KDM4D: variants seen among roughly 807,000 people sequenced by gnomAD.
The protein encoded by KDM4D is lysine demethylase 4D.
For synonymous variants in KDM4D, 254 were observed against 249.1 expected (o/e 1.02, Z -0.19); for missense variants, 427 against 674.8 (o/e 0.63, Z 4.07).
intron 2 of KDM4D, among the ~76,000 whole-genome samples, chr11:94,995,298 T>C (rs1312138395): frequency 2.6e-5 from 4 of 152,202 alleles, no homozygotes; most frequent in African/African-American, 9.6e-5. Context: ...ACCAACTTCA[T>C]AGATTAGTTG....
chr11:94,980,548 T>A (rs1857834806), intron 2 of KDM4D, among the ~76,000 whole-genome samples: 3 of 152,310 alleles, frequency 2.0e-5, no homozygotes, highest in African/African-American at 7.2e-5. Context: ...TATTAACAGG[T>A]TATATTTTTC....
chr11:94,990,038 C>T (rs1295357967), intron 2 of KDM4D, among the ~76,000 whole-genome samples: 2 of 152,102 alleles, frequency 1.3e-5, no homozygotes, highest in Admixed American at 6.5e-5. Context: ...GGATTACAGG[C>T]GTGAGCCACC....
Position 94,999,258 on chromosome 11 carries a change from C to G in KDM4D, c.*314C>G. On this transcript the variant is annotated 3_prime_UTR_variant, in exon 3 of 3. Transcript: ENST00000335080. The stretch of plus-strand genomic sequence containing the variant: ...TGAGGTTAGCGTAACCTGGTATATG[C>G]AACTACCATCCTCTGGGCCAACTGT... 1 of 210,536 alleles carries G rather than the reference C, an allele frequency of 4.7e-6. No homozygotes were observed. Among genetic ancestry groups the G allele is most frequent in the Non-Finnish European group, 1.0e-5 (1 of 96,910 alleles). The allele number at this position is 210,536 out of a possible 1,614,324, so 13.0% of individuals were successfully genotyped here.
intron 2 of KDM4D, among the ~76,000 whole-genome samples, chr11:94,986,668 A>G (rs1202133166): frequency 1.1e-4 from 17 of 152,198 alleles, no homozygotes; most frequent in Admixed American, 1.1e-3. Flanking sequence ...GAAAAAGACA[A>G]TAACAAGTAT....
At chr11:94,976,891 G>C (rs1290485963) in intron 2 of KDM4D, among the ~76,000 whole-genome samples, 2 of 152,062 alleles carry the variant, frequency 1.3e-5, no homozygotes, top group African/African-American at 4.8e-5. Flanking sequence ...AATCAAAGCA[G>C]AACACCTTAA....
chr11:94,975,343 C>T (rs1857788670), intron 1 of KDM4D, among the ~76,000 whole-genome samples: 1 of 152,086 alleles, frequency 6.6e-6, no homozygotes, highest in Non-Finnish European at 1.5e-5. Flanking sequence ...TCTCAGGAGA[C>T]AGCATGCGAA....
At chr11:94,980,102 G>A (rs1857831831) in intron 2 of KDM4D, among the ~76,000 whole-genome samples, 1 of 152,100 alleles carries the variant, frequency 6.6e-6, no homozygotes, top group South Asian at 2.1e-4. Flanking sequence ...TATTTGTGCT[G>A]CATATACAAT....
At chr11:94,990,985 A>T (rs1437583499) in intron 2 of KDM4D, among the ~76,000 whole-genome samples, 1 of 152,206 alleles carries the variant, frequency 6.6e-6, no homozygotes, top group Non-Finnish European at 1.5e-5. Flanking sequence ...CTGGACTGGG[A>T]ATTTCCAGAT....
At chr11:94,991,599 A>G (rs1555098684) in intron 2 of KDM4D, among the ~76,000 whole-genome samples, 1 of 149,412 alleles carries the variant, frequency 6.7e-6, no homozygotes, top group Non-Finnish European at 1.5e-5. Flanking sequence ...GATTGGAGAA[A>G]TGAAAAAGAC....
chr11:94,990,557 C>T (rs978818169), intron 2 of KDM4D, among the ~76,000 whole-genome samples: 2 of 152,082 alleles, frequency 1.3e-5, no homozygotes, highest in Admixed American at 6.6e-5. Context: ...TACTTTGTTC[C>T]CTTTCCAAAC....
chr11:94,998,961 T>G lies in KDM4D; in HGVS notation c.*17T>G. On this transcript the variant is annotated 3_prime_UTR_variant, in exon 3 of 3. Transcript: ENST00000335080. The surrounding 1 kb of genome is among the most constrained non-coding windows in gnomAD (Gnocchi z 6.7). ...GTGCCCTAAGTCCACGGGCTGTCTT[T>G]ATATCCCACTGCCCTGCTGTGTGAC... is the stretch of plus-strand genomic sequence containing the variant. 6.7e-7 allele frequency: 1 copy of G among 1,502,002 alleles called. No individual in the cohort carries two copies. The highest frequency in any genetic ancestry group is 2.3e-5 in the Admixed American group (1 of 43,724). The allele number at this position is 1,502,002 out of a possible 1,614,324, so 93.0% of individuals were successfully genotyped here.
In KDM4D at chr11:94,999,072, T is replaced by A; in HGVS notation, c.*128T>A. The A allele has an allele frequency of 1.2e-6, 1 of 868,652 alleles. No individual in the cohort carries two copies. Among genetic ancestry groups the A allele is most frequent in the East Asian group, 2.9e-5 (1 of 34,528 alleles). The allele number at this position is 868,652 out of a possible 1,614,324, so 53.8% of individuals were successfully genotyped here. A position where few individuals can be genotyped will look rare whatever the true frequency, so the allele number is the denominator to read the frequency against. On this transcript the variant is annotated 3_prime_UTR_variant, in exon 3 of 3. Transcript: ENST00000335080. ...GGCATGCATGAAAGAGCCCCCCTGG[T>A]GATGCCCTTGGATGCTGCCAAGTCC...
rs587661348 is a variant in KDM4D, at chr11:94,997,582, A to G, written c.210A>G (p.Leu70=). Residue 70 remains leucine (L), a synonymous_variant, in exon 3 of 3, where the codon TTA becomes TTG. Coordinates refer to ENST00000335080, the MANE Select transcript of KDM4D (RefSeq NM_018039.3). ...CCTATGATAATATCAGTGAAATCTTAATAGCCACTCCCCTCCAGCAGGTGG... is the reference window on the plus strand; with the variant it reads ...CCTATGATAATATCAGTGAAATCTTGATAGCCACTCCCCTCCAGCAGGTGG... ...RETYDNISEI[L]IATPLQQVAS... is the part of the protein sequence containing the mutation. The G allele has an allele frequency of 1.2e-5, 19 of 1,613,924 alleles. No individual in the cohort carries two copies. In the South Asian group the frequency reaches 2.1e-4, roughly 18 times the overall value.
At chr11:94,994,757 A>G (rs1175813646) in intron 2 of KDM4D, among the ~76,000 whole-genome samples, 4 of 147,154 alleles carry the variant, frequency 2.7e-5, no homozygotes. Flanking sequence ...CAATGTCAGT[A>G]GAAAGGTGGG....
chr11:94,989,752 C>CTTTTTTT (rs587676047), intron 2 of KDM4D, among the ~76,000 whole-genome samples: 11 of 122,836 alleles, frequency 9.0e-5, no homozygotes, highest in East Asian at 4.7e-4. Context: ...CTCTCTCTTT[C>CTTTTTTT]TTTTTTTTTT....
At chr11:94,987,116 A>G (rs1347243706) in intron 2 of KDM4D, among the ~76,000 whole-genome samples, 1 of 152,200 alleles carries the variant, frequency 6.6e-6, no homozygotes, top group African/African-American at 2.4e-5. Flanking sequence ...GCAAATCTGT[A>G]GAGATAGAAG....
At chr11:94,989,190 G>A (rs1308830805) in intron 2 of KDM4D, among the ~76,000 whole-genome samples, 1 of 152,152 alleles carries the variant, frequency 6.6e-6, no homozygotes, top group East Asian at 1.9e-4. Context: ...TTAAGCCAAA[G>A]GGGATTTTTT....
intron 2 of KDM4D, among the ~76,000 whole-genome samples, chr11:94,989,681 T>C (rs781915264): frequency 6.6e-6 from 1 of 152,012 alleles, no homozygotes; most frequent in Non-Finnish European, 1.5e-5. Flanking sequence ...ACACCAAATA[T>C]TGGCATTTGT....
chr11:94,997,382 A>C lies in KDM4D; in HGVS notation c.10A>C (p.Met4Leu), dbSNP rs1857984152. The change falls in exon 3 of 3, where the codon ATG becomes CTG. Residue 4 changes from methionine (M) to leucine (L), a missense_variant. Coordinates refer to ENST00000335080, the MANE Select transcript of KDM4D (RefSeq NM_018039.3). ...GTTTACTGCTTATTAAATGGAAACT[A>C]TGAAGTCTAAGGCCAACTGTGCCCA... METMKSKANCAQNP... is the reference protein window; with the variant it reads METLKSKANCAQNP... The C allele has an allele frequency of 6.3e-7, 1 of 1,598,372 alleles. No homozygotes were observed. The highest frequency in any genetic ancestry group is 8.5e-7 in the Non-Finnish European group (1 of 1,173,766).
Sources: allele counts gnomAD v4.1 joint callset (sites outside exome capture counted in the v4.1 genomes callset), GRCh38; gene constraint gnomAD v4.1.1; non-coding constraint Gnocchi (gnomAD v3.1); transcripts MANE v1.5; gene names NCBI Gene and HGNC (gene_info 2026-07-23, HGNC 2026-07-21).